Variants in KCNB2 observed in about 807,000 individuals in gnomAD.
KCNB2 encodes the protein potassium voltage-gated channel subfamily B member 2, also known as delayed rectifier potassium channel protein.
Under a neutral mutation model 61.5 loss-of-function variants are expected in KCNB2, and 15 were observed. The ratio of observed to expected loss-of-function variants is 0.24; its 90% CI spans 0.16 to 0.38. KCNB2 has a LOEUF of 0.38. KCNB2 is among the 10% of genes least tolerant of loss of function. The pLI, the probability that KCNB2 is intolerant of heterozygous loss-of-function variation, is 1.00. For synonymous variants in KCNB2, 457 were observed against 446.0 expected, an observed-to-expected ratio of 1.02 and a Z score of -0.31; for missense variants, 828 against 1,125.2, an observed-to-expected ratio of 0.74 and a Z score of 3.78.
At chr8:72,889,752 C>A (rs937940526) in intron 2 of KCNB2, among the ~76,000 whole-genome samples, 1 of 152,000 alleles carries the variant, frequency 6.6e-6, no homozygotes, top group Admixed American at 6.6e-5. Flanking sequence ...AAACTCTTGG[C>A]ACCCAAACTC....
chr8:72,567,109 C>A (rs6984994), intron 1 of KCNB2, among the ~76,000 whole-genome samples: 1,905 of 152,004 alleles, frequency 0.013, 30 homozygotes, highest in African/African-American at 0.043. Flanking sequence ...TTGCTTGCAC[C>A]TGGGAGGTCA....
At chr8:72,892,307 C>T (rs1396492404) in intron 2 of KCNB2, among the ~76,000 whole-genome samples, 1 of 152,078 alleles carries the variant, frequency 6.6e-6, no homozygotes, top group African/African-American at 2.4e-5. Context: ...AAGGCAGCCC[C>T]AGAAGCAGTG....
At chr8:72,843,314 T>C (rs1809927370) in intron 2 of KCNB2, among the ~76,000 whole-genome samples, 1 of 152,234 alleles carries the variant, frequency 6.6e-6, no homozygotes, top group Non-Finnish European at 1.5e-5. Context: ...TTTGTTATGA[T>C]TTCCATTCTT....
intron 2 of KCNB2, among the ~76,000 whole-genome samples, chr8:72,599,228 A>G (rs1156472735): frequency 6.6e-6 from 1 of 152,220 alleles, no homozygotes; most frequent in Non-Finnish European, 1.5e-5. Flanking sequence ...CCAAAACAGC[A>G]TGGTACTGCT....
intron 2 of KCNB2, among the ~76,000 whole-genome samples, chr8:72,794,630 G>C (rs1808999768): frequency 6.6e-6 from 1 of 151,418 alleles, no homozygotes; most frequent in Non-Finnish European, 1.5e-5. Flanking sequence ...AGAAGGCTAG[G>C]AGAGGAGTAG....
At chr8:72,627,932 C>T (rs565404506) in intron 2 of KCNB2, among the ~76,000 whole-genome samples, 54 of 152,020 alleles carry the variant, frequency 3.6e-4, no homozygotes, top group Non-Finnish European at 2.4e-4. Flanking sequence ...AAAAATGTTT[C>T]CCTGATGACT....
At chr8:72,640,163 T>C (rs2128985626) in intron 2 of KCNB2, among the ~76,000 whole-genome samples, 2 of 152,208 alleles carry the variant, frequency 1.3e-5, no homozygotes, top group Middle Eastern at 3.4e-3. Context: ...CTTTGTTTAG[T>C]GGACAGTGAC....
intron 2 of KCNB2, among the ~76,000 whole-genome samples, chr8:72,628,440 TGTGTGA>T (rs147440196): frequency 0.051 from 4,706 of 92,552 alleles, 111 homozygotes; most frequent in South Asian, 0.096. Context: ...TGTGTGTGTG[TGTGTGA>T]GATGCACTTA....
intron 2 of KCNB2, among the ~76,000 whole-genome samples, chr8:72,699,310 G>T (rs375632166): frequency 6.6e-6 from 1 of 151,916 alleles, no homozygotes; most frequent in African/African-American, 2.4e-5. Context: ...ATGTTATCTC[G>T]TTGTGGTTTT....
intron 2 of KCNB2, among the ~76,000 whole-genome samples, chr8:72,801,225 G>C (rs1809120256): frequency 6.6e-6 from 1 of 152,192 alleles, no homozygotes; most frequent in Non-Finnish European, 1.5e-5. Context: ...CAGCATAGTA[G>C]TCATCATATA....
At chr8:72,821,091 A>G (rs934663448) in intron 2 of KCNB2, among the ~76,000 whole-genome samples, 4 of 152,112 alleles carry the variant, frequency 2.6e-5, no homozygotes, top group East Asian at 1.9e-4. Context: ...TTCAATTTTC[A>G]TATCTCAAAA....
At chr8:72,543,480 T>A (rs1354537137) in intron 1 of KCNB2, among the ~76,000 whole-genome samples, 1 of 152,168 alleles carries the variant, frequency 6.6e-6, no homozygotes, top group Non-Finnish European at 1.5e-5. Flanking sequence ...ATATATTCAT[T>A]GAGTGTGACA....
intron 2 of KCNB2, among the ~76,000 whole-genome samples, chr8:72,787,659 G>A (rs1808865928): frequency 6.6e-6 from 1 of 152,106 alleles, no homozygotes; most frequent in South Asian, 2.1e-4. Context: ...AGATTTCAGA[G>A]TAAAGTTTTG....
At chr8:72,700,553 G>A (rs1303986) in intron 2 of KCNB2, among the ~76,000 whole-genome samples, 107,917 of 151,924 alleles carry the variant, frequency 0.71, 39,285 homozygotes, top group African/African-American at 0.86. Flanking sequence ...ATAAACAAAT[G>A]ACAAATGTTA....
intron 2 of KCNB2, among the ~76,000 whole-genome samples, chr8:72,738,164 A>G (rs1807882576): frequency 1.3e-5 from 2 of 152,106 alleles, no homozygotes; most frequent in Non-Finnish European, 2.9e-5. Flanking sequence ...AGAATTGTGT[A>G]TTTTCTCCTG....
intron 2 of KCNB2, among the ~76,000 whole-genome samples, chr8:72,642,729 A>G (rs1806076102): frequency 1.3e-5 from 2 of 152,174 alleles, no homozygotes; most frequent in Non-Finnish European, 2.9e-5. Context: ...TCAAAATAGT[A>G]AAATGAGGGT....
intron 2 of KCNB2, among the ~76,000 whole-genome samples, chr8:72,630,094 G>C (rs1805856602): frequency 1.3e-5 from 2 of 152,196 alleles, no homozygotes; most frequent in Non-Finnish European, 2.9e-5. Context: ...ACACCAGCTG[G>C]TGCAAAATTA....
Position 72,561,746 on chromosome 8 carries a change from T to TACGTATATATATATAC in KCNB2, c.-93-5896_-93-5895insACGTATATATATATAC. 5.4e-5 allele frequency among the ~76,000 whole-genome samples: 2 copies of TACGTATATATATATAC among 37,300 alleles called. 1 individual carries two copies. The highest frequency in any genetic ancestry group is 3.3e-4 in the African/African-American group (2 of 6,094). 24.5% of individuals were successfully genotyped at this position (37,300 alleles called of 152,430 possible). A position where few individuals can be genotyped will look rare whatever the true frequency, so the allele number is the denominator to read the frequency against. On this transcript the variant is annotated intron_variant, in intron 1 of 2. Transcript: ENST00000523207. ...ATATATATCTATATCTATATATATA[T>TACGTATATATATATAC]GTATATATATATATGGATATATATA...
chr8:72,908,444 C>T (rs936055190), intron 2 of KCNB2, among the ~76,000 whole-genome samples: 3 of 152,116 alleles, frequency 2.0e-5, no homozygotes, highest in Non-Finnish European at 4.4e-5. Flanking sequence ...ATTCCAGTAC[C>T]TGGCCCACAA....
Sources: allele counts gnomAD v4.1 joint callset (sites outside exome capture counted in the v4.1 genomes callset), GRCh38; gene constraint gnomAD v4.1.1; transcripts MANE v1.5; gene names NCBI Gene and HGNC (gene_info 2026-07-23, HGNC 2026-07-21).